The following IQSEC1 variants were observed in gnomAD, a reference collection of about 807,000 sequenced individuals.
IQSEC1 encodes IQ motif and SEC7 domain-containing protein 1.
A neutral mutation model predicts 91.0 loss-of-function variants in IQSEC1; 31 were observed. The ratio of observed to expected loss-of-function variants is 0.34; its 90% CI spans 0.26 to 0.46. IQSEC1 has a LOEUF of 0.46. IQSEC1 is among the 20% of genes least tolerant of loss of function. IQSEC1 has a pLI of 1.00. For synonymous variants in IQSEC1, 699 were observed against 662.6 expected, an observed-to-expected ratio of 1.05 and a Z score of -0.84; for missense variants, 1,388 against 1,575.6, an observed-to-expected ratio of 0.88 and a Z score of 2.02.
rs112248319 is a variant in IQSEC1 at position 12,915,033 on chromosome 3, C to T, written c.2190+71G>A. The T allele has an allele frequency of 6.1e-3, 9,035 of 1,479,374 alleles. 433 individuals are homozygous for T. The African/African-American group carries it at 0.11, about 17-fold the overall frequency. The allele number at this position is 1,479,374 out of a possible 1,614,324, so 91.6% of individuals were successfully genotyped here. A position where few individuals can be genotyped will look rare whatever the true frequency, so the allele number is the denominator to read the frequency against. On this transcript the variant is annotated intron_variant, in intron 8 of 13. Coordinates refer to ENST00000613206, the MANE Select transcript of IQSEC1 (RefSeq NM_001134382.3). ...GGGCTCTGGGAGCCTGGGGAGCCGG[C>T]GGACTGGCTGATGCTGGGCCTCCCC...
At chr3:12,911,909 C>T (rs1225383551) in intron 9 of IQSEC1, among the ~76,000 whole-genome samples, 181 bp from the exon 10 acceptor site, 5 of 152,128 alleles carry the variant, frequency 3.3e-5, no homozygotes, top group Non-Finnish European at 7.4e-5. Flanking sequence ...CCCGCAACCC[C>T]GATGCCATCT....
chr3:13,209,432 C>G (rs1485101512), intron 1 of IQSEC1, among the ~76,000 whole-genome samples: 1 of 152,226 alleles, frequency 6.6e-6, no homozygotes, highest in Non-Finnish European at 1.5e-5. Flanking sequence ...TGCTGCACAG[C>G]TGCAGAATCA....
chr3:12,998,822 C>A (rs1037137260), intron 1 of IQSEC1, among the ~76,000 whole-genome samples: 2 of 151,842 alleles, frequency 1.3e-5, no homozygotes, highest in Admixed American at 6.6e-5. Flanking sequence ...GGATGGAGAG[C>A]TGCCTGCTAC....
Position 12,983,689 on chromosome 3 carries a change from C to T in IQSEC1, c.24-41824G>A, listed in dbSNP as rs952809838. On this transcript the variant is annotated intron_variant, in intron 1 of 13. Coordinates refer to ENST00000613206, the MANE Select transcript of IQSEC1 (RefSeq NM_001134382.3). The surrounding 1 kb of genome is among the most constrained non-coding windows in gnomAD (Gnocchi z 4.3). ...ACCTCACAGGCCACGCTGGGCAATT[C>T]CTCCCAGCACCTGGGCGATGCTGTT... 6.6e-6 allele frequency among the ~76,000 whole-genome samples: 1 copy of T among 152,194 alleles called. No individual in the cohort carries two copies. The highest frequency in any genetic ancestry group is 1.5e-5 in the Non-Finnish European group (1 of 68,034).
chr3:12,999,556 G>A (rs974784510), intron 1 of IQSEC1, among the ~76,000 whole-genome samples: 1 of 152,180 alleles, frequency 6.6e-6, no homozygotes, highest in South Asian at 2.1e-4. Flanking sequence ...GCGCCCACGT[G>A]GGGCGGGGAC....
At chr3:13,206,476 C>T (rs561725675) in intron 1 of IQSEC1, among the ~76,000 whole-genome samples, 26 of 152,266 alleles carry the variant, frequency 1.7e-4, no homozygotes, top group African/African-American at 6.3e-4. Context: ...ATTAACAAGA[C>T]TGAAAACACC....
intron 1 of IQSEC1, among the ~76,000 whole-genome samples, chr3:13,254,008 G>A (rs1041034816): frequency 1.8e-4 from 27 of 152,180 alleles, no homozygotes; most frequent in African/African-American, 6.3e-4. Context: ...CGCCACTCAG[G>A]CAGCAGCCCC....
rs541328967 is a variant in IQSEC1, at chr3:13,022,816, T to C, written c.23+50176A>G. Among the ~76,000 whole-genome samples, 3 of 152,252 alleles carry C rather than the reference T, an allele frequency of 2.0e-5. No individual in the cohort carries two copies. The South Asian group carries it at 6.2e-4, about 32-fold the overall frequency. ...AAATCAGGGCTGCTCCTCTGGACAG[T>C]GGTTGGCCCTCCAAGGGTCTCCAGC... On this transcript the variant is annotated intron_variant, in intron 1 of 13. Transcript: ENST00000613206.
chr3:13,271,222 G>A (rs957839567), intron 1 of IQSEC1, among the ~76,000 whole-genome samples: 6 of 151,760 alleles, frequency 4.0e-5, no homozygotes, highest in Non-Finnish European at 7.4e-5. Context: ...CTAAAAATAC[G>A]AAAAATTAGC....
At chr3:13,158,570 TCTC>T (rs1250130454) in intron 2 of IQSEC1, among the ~76,000 whole-genome samples, 1 of 152,134 alleles carries the variant, frequency 6.6e-6, no homozygotes, top group African/African-American at 2.4e-5. Flanking sequence ...GTCCTTGGGC[TCTC>T]CTCATTGTCC....
intron 2 of IQSEC1, among the ~76,000 whole-genome samples, chr3:13,117,547 G>GC (rs1706355939): frequency 8.6e-6 from 1 of 115,924 alleles, no homozygotes; most frequent in African/African-American, 3.5e-5. Flanking sequence ...CTCCAGCCTG[G>GC]TGACAGAGCA....
chr3:13,125,572 C>A (rs956556140), intron 2 of IQSEC1, among the ~76,000 whole-genome samples: 1 of 152,252 alleles, frequency 6.6e-6, no homozygotes, highest in African/African-American at 2.4e-5. Context: ...TGGAGCTGCA[C>A]AGCCCAGGGT....
At chr3:12,929,636 A>T (rs528468629) in intron 3 of IQSEC1, among the ~76,000 whole-genome samples, 2 of 151,918 alleles carry the variant, frequency 1.3e-5, no homozygotes, top group African/African-American at 4.8e-5. Flanking sequence ...CTGAAAATCC[A>T]CTCCGTCCAA....
rs187664488 is a variant in IQSEC1, at chr3:13,073,303, C to A, written c.-289G>T. Among the ~76,000 whole-genome samples, 182 of 152,328 alleles carry A rather than the reference C, an allele frequency of 1.2e-3. 2 individuals carry two copies. In the Middle Eastern group the frequency reaches 0.014, roughly 11 times the overall value. On this transcript the variant is annotated 5_prime_UTR_variant, in exon 1 of 14. Coordinates refer to ENST00000613206, the MANE Select transcript of IQSEC1 (RefSeq NM_001134382.3). ...CCGTGGTCGCCAGGCTGGGCGGGGG[C>A]GTCCACCTCGCTGCTACCTGGGCCC...
intron 1 of IQSEC1, among the ~76,000 whole-genome samples, chr3:13,245,146 C>T (rs1336616067): frequency 1.3e-5 from 2 of 152,082 alleles, no homozygotes; most frequent in African/African-American, 2.4e-5. Flanking sequence ...AGTCTGGGCT[C>T]GCTCATGTGT....
chr3:13,073,681 G>A (rs1705511550), upstream of IQSEC1, among the ~76,000 whole-genome samples: 2 of 152,266 alleles, frequency 1.3e-5, no homozygotes, highest in Admixed American at 6.5e-5. Flanking sequence ...AGCCTACGAT[G>A]ACACTACTTT....
intron 1 of IQSEC1, among the ~76,000 whole-genome samples, chr3:13,197,558 C>A (rs570393012): frequency 2.9e-4 from 44 of 152,218 alleles, no homozygotes; most frequent in Non-Finnish European, 5.9e-4. Flanking sequence ...ATGACCAGGG[C>A]CCCTACGACC....
Position 13,231,238 on chromosome 3 carries a change from C to G in IQSEC1, c.272+51473G>C, listed in dbSNP as rs1458960490. On this transcript the variant is annotated intron_variant, in intron 1 of 15. Coordinates refer to the IQSEC1 transcript ENST00000648114. ...ATGCAGAGTTTTTAAAAATAATACT[C>G]ATTTTCCATGAACTTTTTGAAGTCC... is the stretch of plus-strand genomic sequence containing the variant. Among the ~76,000 whole-genome samples, 4 of 152,296 alleles carry G rather than the reference C, an allele frequency of 2.6e-5. No individual in the cohort carries two copies. The South Asian group carries it at 8.3e-4, about 32-fold the overall frequency.
Position 12,936,394 on chromosome 3 carries a change from T to C in IQSEC1, c.622A>G (p.Thr208Ala). 3 of 1,594,614 alleles carry C rather than the reference T, an allele frequency of 1.9e-6. No individual in the cohort carries two copies. Among genetic ancestry groups the C allele is most frequent in the Non-Finnish European group, 1.7e-6 (2 of 1,167,902 alleles). Residue 208 changes from threonine to alanine, a missense_variant, in exon 3 of 14, where the codon ACC becomes GCC. Thr to Ala is a moderately conservative substitution (Grantham distance 58, BLOSUM62 0). Transcript: ENST00000613206. ...PECGDLSEPTTLKSPAPSSDF... is the reference protein window; with the variant it reads ...PECGDLSEPTALKSPAPSSDF... ...CTGGAGGGGGCCGGAGACTTGAGGG[T>C]GGTGGGCTCGCTGAGGTCACCACAC...
Sources: gnomAD v4.1 joint callset for allele counts (sites outside exome capture counted in the v4.1 genomes callset) on GRCh38, gnomAD v4.1.1 for gene constraint, Gnocchi (gnomAD v3.1) non-coding constraint, MANE v1.5 for transcripts, NCBI Gene and HGNC (gene_info 2026-07-23, HGNC 2026-07-21) for gene names.